Variants in NR3C1 observed in about 807,000 individuals in gnomAD.
The protein encoded by NR3C1 is nuclear receptor subfamily 3 group C member 1, also known as glucocorticoid receptor.
A neutral mutation model predicts 74.0 loss-of-function variants in NR3C1; 14 were observed. The observed-to-expected ratio is 0.19, with a 90% CI of 0.12 to 0.30. The LOEUF (loss-of-function observed/expected upper bound fraction) is 0.30. Ranked by LOEUF, NR3C1 falls within the 10% of genes least tolerant of loss-of-function variation. NR3C1 has a pLI of 1.00. For missense variants in NR3C1, 695 were observed against 909.8 expected, an observed-to-expected ratio of 0.76 and a Z score of 3.04; for synonymous variants, 308 against 332.5, an observed-to-expected ratio of 0.93 and a Z score of 0.80.
intron 1 of NR3C1, among the ~76,000 whole-genome samples, chr5:143,431,165 G>A (rs1049588915): frequency 6.6e-6 from 1 of 152,150 alleles, no homozygotes; most frequent in African/African-American, 2.4e-5. Context: ...CCGGGACTGG[G>A]TAAGAAATGT....
intron 7 of NR3C1, among the ~76,000 whole-genome samples, chr5:143,293,619 T>G (rs1385413733): frequency 6.6e-6 from 1 of 152,238 alleles, no homozygotes; most frequent in East Asian, 1.9e-4. Context: ...CAAGTTGGCT[T>G]GAGTTCCACT....
intron 2 of NR3C1, among the ~76,000 whole-genome samples, chr5:143,319,396 T>C (rs1328826348): frequency 1.3e-5 from 2 of 152,108 alleles, no homozygotes; most frequent in African/African-American, 2.4e-5. Context: ...GCAAGAAATC[T>C]ATTTGGGAGA....
intron 2 of NR3C1, among the ~76,000 whole-genome samples, chr5:143,318,797 G>A (rs766251120): frequency 6.6e-6 from 1 of 152,094 alleles, no homozygotes; most frequent in Admixed American, 6.5e-5. Context: ...TGCTATATGC[G>A]ATATAAGTGG....
chr5:143,334,108 G>A (rs1023754270), intron 2 of NR3C1, among the ~76,000 whole-genome samples: 1 of 152,206 alleles, frequency 6.6e-6, no homozygotes, highest in Non-Finnish European at 1.5e-5. Flanking sequence ...CTGGCCGGTC[G>A]TGGTGGCTCA....
intron 6 of NR3C1, 49 bp from the exon 7 acceptor site, chr5:143,295,639 C>A (rs1817007238): frequency 6.7e-7 from 1 of 1,500,900 alleles, no homozygotes; most frequent in African/African-American, 1.4e-5. Context: ...TGCTACTTCC[C>A]CCCAAAAAGC....
chr5:143,396,947 A>G (rs1839315844), intron 2 of NR3C1, among the ~76,000 whole-genome samples: 1 of 151,826 alleles, frequency 6.6e-6, no homozygotes, highest in East Asian at 1.9e-4. Flanking sequence ...AATGTACTGA[A>G]CTTCAGTATT....
intron 2 of NR3C1, among the ~76,000 whole-genome samples, chr5:143,327,375 A>C (rs1340088400): frequency 2.6e-5 from 4 of 152,194 alleles, no homozygotes; most frequent in Non-Finnish European, 1.5e-5. Context: ...TTACAATTCA[A>C]GATTAGATTT....
At chr5:143,355,583 T>C (rs1006681908) in intron 2 of NR3C1, among the ~76,000 whole-genome samples, 2 of 152,172 alleles carry the variant, frequency 1.3e-5, no homozygotes, top group African/African-American at 2.4e-5. Context: ...TGATGGTCAG[T>C]AAATTAAATA....
intron 7 of NR3C1, among the ~76,000 whole-genome samples, chr5:143,288,455 T>A (rs1223402544): frequency 1.3e-5 from 2 of 151,982 alleles, no homozygotes; most frequent in Non-Finnish European, 2.9e-5. Flanking sequence ...TATTTTCAAA[T>A]GGATCTATAG....
At chr5:143,422,999 C>T (rs531029141) in intron 1 of NR3C1, among the ~76,000 whole-genome samples, 12 of 152,298 alleles carry the variant, frequency 7.9e-5, no homozygotes, top group African/African-American at 2.9e-4. Flanking sequence ...TTCATACTTG[C>T]AGGCCTTCGA....
intron 2 of NR3C1, among the ~76,000 whole-genome samples, chr5:143,323,410 G>C (rs1428440713): frequency 6.6e-6 from 1 of 152,146 alleles, no homozygotes; most frequent in East Asian, 1.9e-4. Flanking sequence ...GATCTCGTCA[G>C]TCTTATTCAC....
intron 2 of NR3C1, among the ~76,000 whole-genome samples, chr5:143,365,156 G>A (rs763913475): frequency 6.6e-6 from 1 of 152,054 alleles, no homozygotes; most frequent in Non-Finnish European, 1.5e-5. Context: ...AAGAATTTAA[G>A]AACAAGAGAC....
At chr5:143,356,705 G>A (rs770622786) in intron 2 of NR3C1, among the ~76,000 whole-genome samples, 25 of 149,192 alleles carry the variant, frequency 1.7e-4, no homozygotes, top group Non-Finnish European at 2.5e-4. Context: ...AAAAACACAC[G>A]CAAATGTTGT....
At chr5:143,328,143 G>C (rs1825056203) in intron 2 of NR3C1, among the ~76,000 whole-genome samples, 1 of 152,208 alleles carries the variant, frequency 6.6e-6, no homozygotes, top group Admixed American at 6.5e-5. Context: ...CTGCGCACCT[G>C]CAGGCCCAAC....
intron 2 of NR3C1, among the ~76,000 whole-genome samples, chr5:143,348,908 C>T (rs998106243): frequency 1.3e-5 from 2 of 152,118 alleles, no homozygotes; most frequent in Non-Finnish European, 2.9e-5. Flanking sequence ...CCTACAAATG[C>T]TCCTTGTATT....
intron 2 of NR3C1, among the ~76,000 whole-genome samples, chr5:143,316,409 C>G (rs1389851780): frequency 2.0e-5 from 3 of 152,154 alleles, no homozygotes; most frequent in African/African-American, 7.2e-5. Context: ...ATGTTTACCC[C>G]ATTAATTATA....
intron 7 of NR3C1, among the ~76,000 whole-genome samples, chr5:143,293,392 G>C (rs1301728203): frequency 2.0e-5 from 3 of 152,004 alleles, no homozygotes; most frequent in Non-Finnish European, 4.4e-5. Flanking sequence ...GAGGGGATGA[G>C]GGATGAAAGA....
At chr5:143,429,520 G>A (rs149518344) in intron 1 of NR3C1, among the ~76,000 whole-genome samples, 207 of 152,176 alleles carry the variant, frequency 1.4e-3, no homozygotes, top group African/African-American at 4.1e-3. Context: ...GGATTCTCCC[G>A]CTCACAAACA....
intron 4 of NR3C1, among the ~76,000 whole-genome samples, chr5:143,304,409 A>G (rs1313285216): frequency 2.6e-5 from 4 of 152,172 alleles, no homozygotes. Context: ...GAAATCAAAG[A>G]TGACACAAAC....
Sources: allele counts gnomAD v4.1 joint callset (sites outside exome capture counted in the v4.1 genomes callset), GRCh38; gene constraint gnomAD v4.1.1; transcripts MANE v1.5; gene names NCBI Gene and HGNC (gene_info 2026-07-23, HGNC 2026-07-21).